Variants in MDM4 observed in about 807,000 individuals in gnomAD.
The protein encoded by MDM4 is protein Mdm4.
MDM4 carries 2 observed loss-of-function variants against 60.2 expected under a neutral mutation model. That is an observed-to-expected ratio of 0.03 (90% CI 0.01 to 0.10). MDM4 has a LOEUF of 0.10. Among genes scored for constraint, MDM4 ranks in the 10% least tolerant of loss-of-function variants. The pLI is 1.00. For synonymous variants in MDM4, 202 were observed against 198.1 expected, an observed-to-expected ratio of 1.02 and a Z score of -0.17; for missense variants, 447 against 577.5, an observed-to-expected ratio of 0.77 and a Z score of 2.32.
chr1:204,532,262 TTTC>T lies in MDM4; in HGVS notation c.343+20_343+22del. 1 of 1,529,518 alleles carries T rather than the reference TTTC, an allele frequency of 6.5e-7. No homozygotes were observed. Among genetic ancestry groups the T allele is most frequent in the Non-Finnish European group, 9.1e-7 (1 of 1,104,110 alleles). 94.7% of individuals were successfully genotyped at this position (1,529,518 alleles called of 1,614,324 possible). A position where few individuals can be genotyped will look rare whatever the true frequency, so the allele number is the denominator to read the frequency against. ...GCTACTACAGGTATGTCACATCATA[TTTC>T]TTCAGTCTGTATCACAGCTTTGAGT... On this transcript the variant is annotated intron_variant, in intron 5 of 10. Transcript: ENST00000367182.
chr1:204,532,308 G>C, intron 5 of MDM4, 62 bp downstream of exon 5: 1 of 1,066,594 alleles, frequency 9.4e-7, no homozygotes, highest in Non-Finnish European at 1.4e-6. Context: ...GGCAAATGAT[G>C]GGAAAACAAA....
In MDM4 at chr1:204,555,128, G is replaced by A. The variant is rs1663449143; in HGVS notation, c.*5446G>A. The stretch of plus-strand genomic sequence containing the variant: ...GATCCTCATTGAATCCCCTCTGGGA[G>A]CACAGGACAGTTAGTAGAACTCTCC... On this transcript the variant is annotated 3_prime_UTR_variant, in exon 11 of 11. Transcript: ENST00000367182. 2 of 197,014 alleles carry A rather than the reference G, an allele frequency of 1.0e-5. No homozygotes were observed. The highest frequency in any genetic ancestry group is 2.1e-5 in the Non-Finnish European group (2 of 95,318). 12.2% of individuals were successfully genotyped at this position (197,014 alleles called of 1,614,324 possible). A position where few individuals can be genotyped will look rare whatever the true frequency, so the allele number is the denominator to read the frequency against.
intron 4 of MDM4, among the ~76,000 whole-genome samples, chr1:204,531,186 A>T (rs549482266): frequency 1.3e-5 from 2 of 152,346 alleles, no homozygotes; most frequent in South Asian, 4.1e-4. Flanking sequence ...CAAAAGCTGA[A>T]AGATAGATAA....
intron 3 of MDM4, among the ~76,000 whole-genome samples, chr1:204,527,863 G>A (rs906072189): frequency 6.6e-6 from 1 of 150,554 alleles, no homozygotes; most frequent in African/African-American, 2.4e-5. Flanking sequence ...AAATTATCAG[G>A]CTTTTTTTTT....
In MDM4 at chr1:204,555,064, C is replaced by G. The variant is rs1339246244; in HGVS notation, c.*5382C>G. The G allele has an allele frequency of 4.7e-6, 1 of 214,122 alleles. No homozygotes were observed. Among genetic ancestry groups the G allele is most frequent in the Non-Finnish European group, 9.4e-6 (1 of 106,068 alleles). 13.3% of individuals were successfully genotyped at this position (214,122 alleles called of 1,614,324 possible). The stretch of plus-strand genomic sequence containing the variant: ...ATTTTTTGGTACTTTATCTGAAATC[C>G]AAGATGCTGCTTCCCCTGCAGGTTG... On this transcript the variant is annotated 3_prime_UTR_variant, in exon 11 of 11. Transcript: ENST00000367182.
intron 8 of MDM4, among the ~76,000 whole-genome samples, 166 bp from the exon 9 acceptor site, chr1:204,544,369 G>T (rs1031687067): frequency 1.3e-5 from 2 of 152,186 alleles, no homozygotes; most frequent in Admixed American, 1.3e-4. Flanking sequence ...TCCACAGTAG[G>T]TGTCAAGTAG....
In MDM4 at chr1:204,556,414, C is replaced by A; in HGVS notation, c.*6732C>A. The A allele has an allele frequency of 4.4e-6, 1 of 227,544 alleles. No individual in the cohort carries two copies. The allele number at this position is 227,544 out of a possible 1,614,324, so 14.1% of individuals were successfully genotyped here. A position where few individuals can be genotyped will look rare whatever the true frequency, so the allele number is the denominator to read the frequency against. ...TGTCTCAGCACTAAGAAATTGAGGTCAGGCCAGGCGCGGTGGTTCACTCCT... is the reference window on the plus strand; with the variant it reads ...TGTCTCAGCACTAAGAAATTGAGGTAAGGCCAGGCGCGGTGGTTCACTCCT... On this transcript the variant is annotated 3_prime_UTR_variant, in exon 11 of 11. Transcript: ENST00000367182.
intron 3 of MDM4, chr1:204,528,842 G>C (rs1432561637): frequency 2.6e-6 from 4 of 1,529,850 alleles, no homozygotes; most frequent in Non-Finnish European, 3.6e-6. Context: ...CAGATGGGTT[G>C]GGTCATAGCA....
In MDM4 at chr1:204,550,406, C is replaced by A. The variant is rs978596835; in HGVS notation, c.*724C>A. On this transcript the variant is annotated 3_prime_UTR_variant, in exon 11 of 11. Transcript: ENST00000367182. ...TCTCGAACTCCTGGGCTCAAACAAT[C>A]CTCCCGCCTCAGCCTTCCAAATTGC... 38 of 203,676 alleles carry A rather than the reference C, an allele frequency of 1.9e-4. No individual in the cohort carries two copies. The highest frequency in any genetic ancestry group is 7.3e-4 in the Admixed American group (12 of 16,490). 12.6% of individuals were successfully genotyped at this position (203,676 alleles called of 1,614,324 possible).
intron 1 of MDM4, among the ~76,000 whole-genome samples, chr1:204,521,584 G>A (rs1425274139): frequency 1.3e-5 from 2 of 151,934 alleles, no homozygotes; most frequent in African/African-American, 2.4e-5. Context: ...AGAGTAGCCA[G>A]ATTTCAAGCA....
At chr1:204,516,892 A>G (rs1414944926) in intron 1 of MDM4, among the ~76,000 whole-genome samples, 1 of 152,142 alleles carries the variant, frequency 6.6e-6, no homozygotes, top group Non-Finnish European at 1.5e-5. Context: ...TTTTTAAGTT[A>G]GTTTTTAGGT....
At chr1:204,517,871 T>C (rs1348401408) in intron 1 of MDM4, among the ~76,000 whole-genome samples, 1 of 151,388 alleles carries the variant, frequency 6.6e-6, no homozygotes, top group East Asian at 1.9e-4. Flanking sequence ...TTTTAATAGA[T>C]GGGATTTCGG....
In MDM4 at chr1:204,550,745, G is replaced by C. The variant is rs1226934809; in HGVS notation, c.*1063G>C. The C allele has an allele frequency of 5.7e-6, 1 of 175,300 alleles. No individual in the cohort carries two copies. The highest frequency in any genetic ancestry group is 2.4e-5 in the African/African-American group (1 of 42,022). The allele number at this position is 175,300 out of a possible 1,614,324, so 10.9% of individuals were successfully genotyped here. On this transcript the variant is annotated 3_prime_UTR_variant, in exon 11 of 11. Transcript: ENST00000367182. ...GACGGTGTCTCGTTATGTTGCCCAG[G>C]CTGGTCTCGAACTCCTGGGTTTAAG...
rs1663572222 is a variant in MDM4, at chr1:204,556,885, GA to G, written c.*7204del. ...GGCTTCCTCAGCACTTGGCAAGGTAGACCTCATAGCAACCTTGAATATGACT... is the reference window on the plus strand; with the variant it reads ...GGCTTCCTCAGCACTTGGCAAGGTAGCCTCATAGCAACCTTGAATATGACT... On this transcript the variant is annotated 3_prime_UTR_variant, in exon 11 of 11. Coordinates refer to ENST00000367182, the MANE Select transcript of MDM4 (RefSeq NM_002393.5). 1 of 208,614 alleles carries G rather than the reference GA, an allele frequency of 4.8e-6. No individual in the cohort carries two copies. Among genetic ancestry groups the G allele is most frequent in the African/African-American group, 2.3e-5 (1 of 43,872 alleles). The allele number at this position is 208,614 out of a possible 1,614,324, so 12.9% of individuals were successfully genotyped here.
intron 10 of MDM4, 41 bp downstream of exon 10, chr1:204,546,918 C>A: frequency 8.0e-7 from 1 of 1,251,254 alleles, no homozygotes; most frequent in Non-Finnish European, 1.2e-6. Context: ...CCAGCCCCAT[C>A]TTCAGATGAT....
At position 204,551,017 on chromosome 1, in the gene MDM4, G is replaced by A. The variant is rs59544250; in HGVS notation, c.*1335G>A. The A allele has an allele frequency of 4.2e-3, 775 of 186,318 alleles. 9 individuals carry two copies. Among genetic ancestry groups the A allele is most frequent in the African/African-American group, 0.017 (730 of 42,746 alleles). 11.5% of individuals were successfully genotyped at this position (186,318 alleles called of 1,614,324 possible). ...CACACAAACATACTTCTCTGGCACA[G>A]CCTTCAGAAGCATCAGTTTTTGTTT... On this transcript the variant is annotated 3_prime_UTR_variant, in exon 11 of 11. Transcript: ENST00000367182.
At chr1:204,527,401 C>G (rs1386746215) in intron 3 of MDM4, among the ~76,000 whole-genome samples, 1 of 152,140 alleles carries the variant, frequency 6.6e-6, no homozygotes, top group African/African-American at 2.4e-5. Flanking sequence ...CGCCTGTAAT[C>G]CCAGCACTTT....
chr1:204,545,192 A>T (rs1662530520), intron 9 of MDM4, among the ~76,000 whole-genome samples: 1 of 152,236 alleles, frequency 6.6e-6, no homozygotes, highest in South Asian at 2.1e-4. Flanking sequence ...TTGTAAATGA[A>T]CAGCAGTCTG....
At position 204,526,404 on chromosome 1, in the gene MDM4, T is replaced by G. The variant is rs2102321943; in HGVS notation, c.123T>G (p.Gly41=). ...TTTTGAAGATTTTGCATGCAGCAGG[T>G]GCGCAAGGTGAAATGTTCACTGTTA... ...LPLLKILHAA[G]AQGEMFTVKE... Residue 41 remains glycine (G), a synonymous_variant, in exon 3 of 11, where the codon GGT becomes GGG. Coordinates refer to ENST00000367182, the MANE Select transcript of MDM4 (RefSeq NM_002393.5). 7 of 1,613,808 alleles carry G rather than the reference T, an allele frequency of 4.3e-6. No homozygotes were observed. The highest frequency in any genetic ancestry group is 5.9e-6 in the Non-Finnish European group (7 of 1,179,858).
Sources: gnomAD v4.1 joint callset for allele counts (sites outside exome capture counted in the v4.1 genomes callset) on GRCh38, gnomAD v4.1.1 for gene constraint, MANE v1.5 for transcripts, NCBI Gene and HGNC (gene_info 2026-07-23, HGNC 2026-07-21) for gene names.